Variants in C3 observed in about 807,000 individuals in gnomAD.
C3 encodes the protein complement C3, also known as C3 and PZP-like alpha-2-macroglobulin domain-containing protein 1.
Under a neutral mutation model 207.9 loss-of-function variants are expected in C3, and 97 were observed. The ratio of observed to expected loss-of-function variants is 0.47; its 90% CI spans 0.40 to 0.55. The LOEUF (loss-of-function observed/expected upper bound fraction) is 0.55, where lower values mean the gene tolerates loss of function less well. Ranked by LOEUF, C3 falls within the 20% of genes least tolerant of loss-of-function variation. C3 has a pLI of 0.00. For missense variants in C3, 1,684 were observed against 2,171.7 expected, an observed-to-expected ratio of 0.78 and a Z score of 4.46; for synonymous variants, 848 against 857.6, an observed-to-expected ratio of 0.99 and a Z score of 0.20.
intron 23 of C3, among the ~76,000 whole-genome samples, chr19:6,695,680 A>G (rs917441739): frequency 1.4e-4 from 21 of 151,794 alleles, no homozygotes; most frequent in Admixed American, 1.4e-3. Flanking sequence ...GGGTTTCACC[A>G]TGTTGGCCAG....
At chr19:6,686,725 C>T in intron 28 of C3, 21 bp downstream of exon 28, 1 of 1,612,168 alleles carries the variant, frequency 6.2e-7, no homozygotes, top group Non-Finnish European at 8.5e-7. Context: ...TCTCCCTTCA[C>T]CCCTCCAGGC....
intron 27 of C3, among the ~76,000 whole-genome samples, chr19:6,687,489 C>T (rs1203489111): frequency 6.6e-6 from 1 of 152,162 alleles, no homozygotes; most frequent in Non-Finnish European, 1.5e-5. Flanking sequence ...AGTAATTTTG[C>T]AAAGACCACC....
intron 13 of C3, 27 bp downstream of exon 13, chr19:6,710,612 G>T: frequency 6.3e-7 from 1 of 1,587,786 alleles, no homozygotes. Context: ...GAGGGAGAGG[G>T]GGCGAGCGAG....
intron 14 of C3, among the ~76,000 whole-genome samples, chr19:6,708,659 CTT>C (rs1568223817): frequency 4.8e-5 from 7 of 145,368 alleles, no homozygotes; most frequent in African/African-American, 1.5e-4. Flanking sequence ...TTCTCTCTCT[CTT>C]CTTTTTTTTT....
intron 29 of C3, 56 bp downstream of exon 29, chr19:6,686,068 G>A (rs201514262): frequency 2.0e-5 from 32 of 1,582,546 alleles, no homozygotes; most frequent in Non-Finnish European, 2.6e-5. Context: ...TAGGAGGCCA[G>A]TGGGAAGCCG....
intron 4 of C3, among the ~76,000 whole-genome samples, chr19:6,715,895 G>C (rs568543858): frequency 6.6e-6 from 1 of 152,224 alleles, no homozygotes; most frequent in African/African-American, 2.4e-5. Flanking sequence ...AAAGTGCTGG[G>C]ATTATAGGAG....
intron 39 of C3, 29 bp from the exon 40 acceptor site, chr19:6,678,316 G>GA: frequency 5.6e-6 from 9 of 1,614,198 alleles, no homozygotes; most frequent in Non-Finnish European, 7.6e-6. Flanking sequence ...GGAAGAAGCT[G>GA]AGTCGTGGGG....
At chr19:6,717,568 TG>T (rs1968059279) in intron 4 of C3, 3 of 242,522 alleles carry the variant, frequency 1.2e-5, no homozygotes, top group Admixed American at 1.0e-4. Context: ...GTGTGTGTTG[TG>T]TTTTGTGTGT....
chr19:6,685,048 G>A lies in C3; in HGVS notation c.3909C>T (p.Arg1303=), dbSNP rs374530406. Residue 1303 remains arginine, a synonymous_variant, in exon 30 of 41, where the codon CGC becomes CGT. Transcript: ENST00000245907. ...GGATACGGTGGGTGATCTTGGAGCT[G>A]CGGCTGGGCAGTTGGAGGGACACAT... The part of the protein sequence containing the change: ...NLDVSLQLPS[R]SSKITHRIHW... 3.1e-6 allele frequency: 5 copies of A among 1,613,954 alleles called. No individual in the cohort carries two copies. Among genetic ancestry groups the A allele is most frequent in the East Asian group, 2.2e-5 (1 of 44,892 alleles).
Position 6,681,507 on chromosome 19 carries a change from C to T in C3, c.4350+434G>A, listed in dbSNP as rs117041052. On this transcript the variant is annotated intron_variant, in intron 35 of 40. Transcript: ENST00000245907. ...TTTGCAGTGAGCTAGTATCAAGACA[C>T]TGTACTCCAGTCTGGGTGACAGAGC... is the stretch of plus-strand genomic sequence containing the variant. Among the ~76,000 whole-genome samples, 386 of 152,070 alleles carry T rather than the reference C, an allele frequency of 2.5e-3. 2 individuals are homozygous for T. Among genetic ancestry groups the T allele is most frequent in the Non-Finnish European group, 4.0e-3 (271 of 68,002 alleles).
rs1568224320 is a variant in C3 at position 6,709,705 on chromosome 19, C to T, written c.1824G>A (p.Lys608=). 2 of 1,597,960 alleles carry T rather than the reference C, an allele frequency of 1.3e-6. No homozygotes were observed. The highest frequency in any genetic ancestry group is 1.7e-6 in the Non-Finnish European group (2 of 1,171,966). The change falls in exon 14 of 41, where the codon AAG becomes AAA. Residue 608 remains lysine, a synonymous_variant. Transcript: ENST00000245907. ...VDKGVFVLNK[K]NKLTQSKIWD... Reference sequence around the variant, plus strand: ...TTACCTTACTCTGCGTCAGTTTGTTCTTCTTATTCAGCACGAACACGCCCT... The same window carrying T: ...TTACCTTACTCTGCGTCAGTTTGTTTTTCTTATTCAGCACGAACACGCCCT...
chr19:6,719,288 C>T lies in C3; in HGVS notation c.190G>A (p.Gly64Ser). The T allele has an allele frequency of 6.2e-7, 1 of 1,614,012 alleles. No individual in the cohort carries two copies. Among genetic ancestry groups the T allele is most frequent in the South Asian group, 1.1e-5 (1 of 91,084 alleles). ...TCACTGGACAGCACTAGTTTTTTGC[C>T]TGGGAAGTCGTGGACAGTAACAGTG... ...PVTVTVHDFPGKKLVLSSEKT... is the reference protein window; with the variant it reads ...PVTVTVHDFPSKKLVLSSEKT... Residue 64 changes from glycine (G) to serine (S), a missense_variant, in exon 2 of 41, where the codon GGC (glycine) becomes AGC (serine). Transcript: ENST00000245907. This position sits in a 1 kb window ranked among gnomAD's most constrained non-coding sequence, Gnocchi z 5.4.
intron 27 of C3, among the ~76,000 whole-genome samples, chr19:6,688,984 A>G (rs564263220): frequency 1.3e-5 from 2 of 152,316 alleles, no homozygotes; most frequent in African/African-American, 2.4e-5. Context: ...GAAGGCAGCC[A>G]TATTCTGCCT....
intron 1 of C3, among the ~76,000 whole-genome samples, chr19:6,720,199 T>C (rs931709668): frequency 2.0e-5 from 3 of 149,142 alleles, no homozygotes; most frequent in Admixed American, 6.7e-5. Flanking sequence ...ACCCAAACTC[T>C]CAGGCAGCCC....
intron 38 of C3, among the ~76,000 whole-genome samples, 171 bp from the exon 39 acceptor site, chr19:6,678,626 C>A (rs1204758117): frequency 1.3e-5 from 2 of 152,076 alleles, no homozygotes; most frequent in Non-Finnish European, 2.9e-5. Context: ...CATAGAGGGT[C>A]CCATGTCACC....
rs778579631 is a variant in C3 at position 6,685,153 on chromosome 19, C to T, written c.3811-7G>A. The T allele has an allele frequency of 6.2e-7, 1 of 1,613,262 alleles. No homozygotes were observed. The highest frequency in any genetic ancestry group is 1.7e-4 in the Middle Eastern group (1 of 6,046). Reference sequence around the variant, plus strand: ...GGAACACCATGAAGGTGGCCTAGAACCCACAAGAGAGAAAGATGGTGATCT... The same window carrying T: ...GGAACACCATGAAGGTGGCCTAGAATCCACAAGAGAGAAAGATGGTGATCT... On this transcript the variant is annotated splice_polypyrimidine_tract_variant and splice_region_variant and intron_variant, in intron 29 of 40. Coordinates refer to ENST00000245907, the MANE Select transcript of C3 (RefSeq NM_000064.4).
At chr19:6,705,746 C>T (rs1369034520) in intron 17 of C3, among the ~76,000 whole-genome samples, 1 of 151,860 alleles carries the variant, frequency 6.6e-6, no homozygotes, top group African/African-American at 2.4e-5. Flanking sequence ...ACAATCTCAG[C>T]TCACTGCAAC....
rs181622685 is a variant in C3 at position 6,718,858 on chromosome 19, A to C, written c.267+353T>G. On this transcript the variant is annotated intron_variant, in intron 2 of 40. Transcript: ENST00000245907. ...CTCAGAAGGGGTGGAGTCTCAGAGA[A>C]GGGGAGGAACCTCAGAAGGGGTGGG... Among the ~76,000 whole-genome samples, 88 of 124,876 alleles carry C rather than the reference A, an allele frequency of 7.0e-4. 1 individual carries two copies. In the East Asian group the frequency reaches 0.02, roughly 29 times the overall value. 81.9% of individuals were successfully genotyped at this position (124,876 alleles called of 152,430 possible).
rs1918218325 is a variant in C3 at position 6,693,422 on chromosome 19, G to GT, written c.3219dup (p.Pro1074ThrfsTer32). On this transcript the variant is annotated frameshift_variant, in exon 25 of 41. Coordinates refer to ENST00000245907, the MANE Select transcript of C3 (RefSeq NM_000064.4). LOFTEE classifies it high-confidence loss of function. ...GCTGTTGGGACTCACCAGGTGCTGG[G>GT]TGCCCGTTTCACGAAGGCCGCAAAG... 1 of 1,610,822 alleles carries GT rather than the reference G, an allele frequency of 6.2e-7. No homozygotes were observed. The highest frequency in any genetic ancestry group is 1.3e-5 in the African/African-American group (1 of 74,996).
Sources: gnomAD v4.1 joint callset for allele counts (sites outside exome capture counted in the v4.1 genomes callset) on GRCh38, gnomAD v4.1.1 for gene constraint, Gnocchi (gnomAD v3.1) non-coding constraint, MANE v1.5 for transcripts, NCBI Gene and HGNC (gene_info 2026-07-23, HGNC 2026-07-21) for gene names.